Variants in OTOF observed in about 807,000 individuals in gnomAD.
OTOF encodes fer-1-like family member 2.
In OTOF, 218 loss-of-function variants were observed where a neutral mutation model predicts 236.8. The ratio of observed to expected loss-of-function variants is 0.92; its 90% CI spans 0.82 to 1.03. The LOEUF (loss-of-function observed/expected upper bound fraction) is 1.03, where lower values mean the gene tolerates loss of function less well. OTOF is among the 50% of genes least tolerant of loss of function. The probability of loss-of-function intolerance (pLI) is 0.00; values close to 1 mark genes in which losing one functional copy is unlikely to be tolerated. For missense variants in OTOF, 2,590 were observed against 2,694.4 expected, an observed-to-expected ratio of 0.96 and a Z score of 0.86; for synonymous variants, 1,041 against 1,072.5, an observed-to-expected ratio of 0.97 and a Z score of 0.57.
intron 18 of OTOF, among the ~76,000 whole-genome samples, chr2:26,478,236 G>A (rs1000706134): frequency 5.9e-5 from 9 of 152,210 alleles, no homozygotes; most frequent in African/African-American, 1.9e-4. Context: ...ACACAGGTCA[G>A]CTTGTACCCC....
chr2:26,514,402 G>A (rs1456780508), intron 5 of OTOF, among the ~76,000 whole-genome samples: 1 of 152,252 alleles, frequency 6.6e-6, no homozygotes, highest in African/African-American at 2.4e-5. Flanking sequence ...GAAGGGTCGG[G>A]GGAGCCCTCT....
In OTOF at chr2:26,477,418, G is replaced by C. The variant is rs1381716173; in HGVS notation, c.2404C>G (p.Leu802Val). Residue 802 changes from leucine (L) to valine (V), a missense_variant and splice_region_variant, in exon 20 of 47, where the codon CTG becomes GTG. Transcript: ENST00000272371. The surrounding 1 kb of genome is among the most constrained non-coding windows in gnomAD (Gnocchi z 4.7). ...CCGCCGTCCAGTTGCGTCCTCACCAGCTCCCTCATGCAGGACTTGAGGCGC... is the reference window on the plus strand; with the variant it reads ...CCGCCGTCCAGTTGCGTCCTCACCACCTCCCTCATGCAGGACTTGAGGCGC... ...RERLKSCMRE[L>V]ENMGQQARML... 3.2e-6 allele frequency: 5 copies of C among 1,585,004 alleles called. No individual in the cohort carries two copies. The African/African-American group carries it at 5.4e-5, about 17-fold the overall frequency.
chr2:26,541,659 G>C (rs1262780834), intron 1 of OTOF, among the ~76,000 whole-genome samples: 1 of 152,164 alleles, frequency 6.6e-6, no homozygotes, highest in Non-Finnish European at 1.5e-5. Context: ...CCCATCTCTT[G>C]TTTCAAGTTC....
intron 1 of OTOF, among the ~76,000 whole-genome samples, chr2:26,545,305 T>C (rs1667305423): frequency 6.6e-6 from 1 of 152,228 alleles, no homozygotes; most frequent in African/African-American, 2.4e-5. Flanking sequence ...GTCTATCTTA[T>C]TCTATGGAGT....
At chr2:26,482,683 G>GTGGGCGCATGTGTGCGTGAA (rs1450939476) in intron 13 of OTOF, 91 bp from the exon 14 acceptor site, 3 of 1,054,712 alleles carry the variant, frequency 2.8e-6, no homozygotes, top group African/African-American at 3.1e-5. Context: ...GTGTGCGTGA[G>GTGGGCGCATGTGTGCGTGAA]TGGGCACATG....
In OTOF at chr2:26,527,922, TGGGGA is replaced by T; in HGVS notation, c.139-7_139-3del. The T allele has an allele frequency of 6.2e-7, 1 of 1,613,042 alleles. No individual in the cohort carries two copies. On this transcript the variant is annotated splice_region_variant and splice_polypyrimidine_tract_variant and intron_variant, in intron 2 of 46. Transcript: ENST00000272371. ...GCTGGCCACCGGCCACCGAAATGTCTGGGGAGAGAGGGACAACTGCGGCTTCGGTG... is the reference window on the plus strand; with the variant it reads ...GCTGGCCACCGGCCACCGAAATGTCTGAGAGGGACAACTGCGGCTTCGGTG...
At chr2:26,508,022 C>T (rs1202167059) in intron 5 of OTOF, among the ~76,000 whole-genome samples, 2 of 152,092 alleles carry the variant, frequency 1.3e-5, no homozygotes, top group Non-Finnish European at 1.5e-5. Context: ...TTTAGTGACC[C>T]GAGTGTTTCA....
intron 6 of OTOF, among the ~76,000 whole-genome samples, chr2:26,503,396 C>A (rs527277117): frequency 6.6e-6 from 1 of 152,362 alleles, no homozygotes; most frequent in African/African-American, 2.4e-5. Context: ...AGCGCTTGGG[C>A]GAGGCCTGCC....
intron 1 of OTOF, among the ~76,000 whole-genome samples, chr2:26,549,220 A>G (rs1667403151): frequency 6.6e-6 from 1 of 152,226 alleles, no homozygotes; most frequent in Non-Finnish European, 1.5e-5. Flanking sequence ...TTTTTAGCTG[A>G]ATTCCACTAT....
rs757092054 is a variant in OTOF, at chr2:26,460,753, G to A, written c.5713-6C>T. The A allele has an allele frequency of 1.3e-4, 217 of 1,613,864 alleles. No homozygotes were observed. Among genetic ancestry groups the A allele is most frequent in the Non-Finnish European group, 1.8e-4 (208 of 1,179,924 alleles). On this transcript the variant is annotated splice_region_variant and splice_polypyrimidine_tract_variant and intron_variant, in intron 44 of 46. Coordinates refer to ENST00000272371, the MANE Select transcript of OTOF (RefSeq NM_194248.3). The surrounding 1 kb of genome is among the most constrained non-coding windows in gnomAD (Gnocchi z 5.3). Reference sequence around the variant, plus strand: ...AGCTCAGCCTCCACCTTGCCCTGCAGAGGACAGACAGGTCCCAGCGTCCAG... The same window carrying A: ...AGCTCAGCCTCCACCTTGCCCTGCAAAGGACAGACAGGTCCCAGCGTCCAG...
chr2:26,469,324 G>A (rs534458204), intron 32 of OTOF, among the ~76,000 whole-genome samples: 15 of 152,286 alleles, frequency 9.8e-5, no homozygotes, highest in African/African-American at 3.6e-4. Flanking sequence ...GAGTAGAGAC[G>A]ACAACAGGCA....
At chr2:26,478,122 G>T in intron 18 of OTOF, 4 of 1,120,576 alleles carry the variant, frequency 3.6e-6, no homozygotes, top group South Asian at 2.2e-5. Flanking sequence ...ACTCCAGAAT[G>T]CTGGAGCCTG....
intron 1 of OTOF, among the ~76,000 whole-genome samples, chr2:26,540,569 A>G (rs1409611416): frequency 6.6e-6 from 1 of 152,180 alleles, no homozygotes; most frequent in African/African-American, 2.4e-5. Context: ...TCTGTTTAGT[A>G]AGAGCTCTCC....
At chr2:26,554,235 G>A (rs1667533499) in intron 1 of OTOF, among the ~76,000 whole-genome samples, 1 of 151,312 alleles carries the variant, frequency 6.6e-6, no homozygotes. Context: ...GGTTAGGGAA[G>A]TTGATGGAAG....
At chr2:26,503,506 G>A (rs1231134097) in intron 6 of OTOF, among the ~76,000 whole-genome samples, 2 of 152,248 alleles carry the variant, frequency 1.3e-5, no homozygotes, top group Non-Finnish European at 2.9e-5. Context: ...TTAAAACACT[G>A]GGCTTCTGCG....
intron 9 of OTOF, among the ~76,000 whole-genome samples, chr2:26,493,334 C>A (rs987231256): frequency 6.6e-6 from 1 of 152,150 alleles, no homozygotes; most frequent in Non-Finnish European, 1.5e-5. Flanking sequence ...GAAATGCCCT[C>A]CCCCAAGCTA....
intron 2 of OTOF, among the ~76,000 whole-genome samples, chr2:26,536,106 A>G (rs1028671509): frequency 3.9e-5 from 6 of 152,144 alleles, no homozygotes; most frequent in African/African-American, 1.4e-4. Context: ...TCTCCCAGCC[A>G]GCCCAGTGCC....
intron 11 of OTOF, among the ~76,000 whole-genome samples, chr2:26,486,807 C>T (rs1665711955): frequency 6.6e-6 from 1 of 152,174 alleles, no homozygotes; most frequent in Non-Finnish European, 1.5e-5. Context: ...AGTCCTAATA[C>T]TGTGTGATCT....
At chr2:26,474,221 C>T (rs574816317) in intron 26 of OTOF, 111 bp from the exon 27 acceptor site, 138 of 1,453,722 alleles carry the variant, frequency 9.5e-5, no homozygotes, top group Non-Finnish European at 1.2e-4. Context: ...CTAAGGACCA[C>T]GCCCCCAGCT....
Sources: gnomAD v4.1 joint callset for allele counts (sites outside exome capture counted in the v4.1 genomes callset) on GRCh38, gnomAD v4.1.1 for gene constraint, Gnocchi (gnomAD v3.1) non-coding constraint, MANE v1.5 for transcripts, NCBI Gene and HGNC (gene_info 2026-07-23, HGNC 2026-07-21) for gene names.